CTIF: variants seen among roughly 807,000 people sequenced by gnomAD.
The protein encoded by CTIF is cap binding complex dependent translation initiation factor.
A neutral mutation model predicts 66.0 loss-of-function variants in CTIF; 21 were observed. The ratio of observed to expected loss-of-function variants is 0.32; its 90% CI spans 0.23 to 0.46. CTIF has a LOEUF of 0.46. Ranked by LOEUF, CTIF falls within the 20% of genes least tolerant of loss-of-function variation. CTIF has a pLI of 1.00. For synonymous variants in CTIF, 345 were observed against 326.4 expected (o/e 1.06, Z -0.62); for missense variants, 739 against 812.7 (o/e 0.91, Z 1.10).
At chr18:48,798,802 C>T (rs2067986738) in intron 9 of CTIF, among the ~76,000 whole-genome samples, 1 of 152,214 alleles carries the variant, frequency 6.6e-6, no homozygotes. Context: ...CCAGCAGACA[C>T]TTGGCAACGT....
chr18:48,569,289 C>T (rs898836452), intron 1 of CTIF, among the ~76,000 whole-genome samples: 7 of 151,940 alleles, frequency 4.6e-5, no homozygotes, highest in Admixed American at 1.3e-4. Flanking sequence ...AGCAGAAAAA[C>T]GCACTGCTGG....
chr18:48,578,189 G>T (rs2089577740), intron 1 of CTIF, among the ~76,000 whole-genome samples: 1 of 152,058 alleles, frequency 6.6e-6, no homozygotes, highest in African/African-American at 2.4e-5. Context: ...TGTTCCATTA[G>T]GTGGTTACTC....
At chr18:48,836,883 C>T (rs2068822786) in intron 10 of CTIF, among the ~76,000 whole-genome samples, 1 of 152,244 alleles carries the variant, frequency 6.6e-6, no homozygotes, top group Non-Finnish European at 1.5e-5. Context: ...CATCAGCCTG[C>T]TGAGAGGGCG....
chr18:48,670,086 T>C (rs2091504379), intron 5 of CTIF, among the ~76,000 whole-genome samples: 1 of 151,788 alleles, frequency 6.6e-6, no homozygotes, highest in Non-Finnish European at 1.5e-5. Flanking sequence ...CCTGGGAGTC[T>C]GGTTTCGGAA....
At chr18:48,759,103 C>T (rs766602891) in intron 8 of CTIF, among the ~76,000 whole-genome samples, 9 of 152,158 alleles carry the variant, frequency 5.9e-5, no homozygotes, top group Non-Finnish European at 1.3e-4. Flanking sequence ...CAGGAGATGA[C>T]CCTAAACCTC....
intron 1 of CTIF, among the ~76,000 whole-genome samples, chr18:48,545,069 TAATG>T (rs1257093439): frequency 1.3e-5 from 2 of 152,100 alleles, no homozygotes; most frequent in Admixed American, 1.3e-4. Flanking sequence ...AGCTGAATCT[TAATG>T]GATGAAAAGG....
chr18:48,840,095 G>A (rs2068903895), intron 10 of CTIF, among the ~76,000 whole-genome samples: 1 of 152,204 alleles, frequency 6.6e-6, no homozygotes, highest in South Asian at 2.1e-4. Context: ...GAAGATCAGG[G>A]AAGGCTTCCT....
At chr18:48,851,363 G>A (rs1300491304) in intron 10 of CTIF, among the ~76,000 whole-genome samples, 1 of 152,200 alleles carries the variant, frequency 6.6e-6, no homozygotes, top group East Asian at 1.9e-4. Flanking sequence ...GCAGGCTGTG[G>A]GCTGCAGAAG....
chr18:48,727,648 G>C (rs1451253267), intron 7 of CTIF, among the ~76,000 whole-genome samples: 1 of 152,182 alleles, frequency 6.6e-6, no homozygotes, highest in East Asian at 1.9e-4. Flanking sequence ...TCTCCGCTGG[G>C]CTTCTGCTGA....
Position 48,656,140 on chromosome 18 carries a change from C to A in CTIF, c.253-7612C>A, listed in dbSNP as rs1216944396. Among the ~76,000 whole-genome samples the A allele has an allele frequency of 2.0e-5, 3 of 152,212 alleles. No homozygotes were observed. In the East Asian group the frequency reaches 5.8e-4, roughly 29 times the overall value. ...CACTTCCTCCACCAGCACTGCCTTC[C>A]CAATCATTAACAAAGATAGGTGTGG... On this transcript the variant is annotated intron_variant, in intron 3 of 11. Coordinates refer to ENST00000256413, the MANE Select transcript of CTIF (RefSeq NM_014772.3).
At chr18:48,573,790 G>T (rs991563226) in intron 1 of CTIF, among the ~76,000 whole-genome samples, 1 of 152,224 alleles carries the variant, frequency 6.6e-6, no homozygotes, top group African/African-American at 2.4e-5. Context: ...GCCATTCGCA[G>T]TGTGCCATCA....
At chr18:48,832,501 G>A (rs1016696423) in intron 10 of CTIF, among the ~76,000 whole-genome samples, 1 of 152,312 alleles carries the variant, frequency 6.6e-6, no homozygotes, top group African/African-American at 2.4e-5. Flanking sequence ...TGTGGCAGGG[G>A]TGGCCAGTTG....
intron 6 of CTIF, among the ~76,000 whole-genome samples, chr18:48,690,041 T>A (rs776930771): frequency 6.6e-6 from 1 of 152,194 alleles, no homozygotes; most frequent in Non-Finnish European, 1.5e-5. Context: ...ATCTTGAAAT[T>A]GATCATGCCC....
At chr18:48,741,217 A>G (rs1164524427) in intron 7 of CTIF, among the ~76,000 whole-genome samples, 1 of 151,494 alleles carries the variant, frequency 6.6e-6, no homozygotes, top group Non-Finnish European at 1.5e-5. Flanking sequence ...GCTAACAGCC[A>G]CAGGTTGGAG....
rs527347389 is a variant in CTIF at position 48,758,524 on chromosome 18, A to T, written c.1071+119A>T. The T allele has an allele frequency of 2.0e-5, 26 of 1,298,220 alleles. No individual in the cohort carries two copies. The African/African-American group carries it at 3.7e-4, about 18-fold the overall frequency. 80.4% of individuals were successfully genotyped at this position (1,298,220 alleles called of 1,614,324 possible). The stretch of plus-strand genomic sequence containing the variant: ...GGTTTGAGGGTCTAGGGAGCCATGT[A>T]CAGGGAAGCAGGGGCTTCGGTCACT... On this transcript the variant is annotated intron_variant, in intron 8 of 11. Coordinates refer to ENST00000256413, the MANE Select transcript of CTIF (RefSeq NM_014772.3).
At chr18:48,816,698 C>T (rs539691724) in intron 9 of CTIF, among the ~76,000 whole-genome samples, 1 of 152,362 alleles carries the variant, frequency 6.6e-6, no homozygotes, top group Non-Finnish European at 1.5e-5. Flanking sequence ...CTAGGCCCCT[C>T]GAGGGACGGG....
At chr18:48,723,336 GATGA>G (rs150039010) in intron 7 of CTIF, among the ~76,000 whole-genome samples, 68 of 151,828 alleles carry the variant, frequency 4.5e-4, no homozygotes, top group South Asian at 2.3e-3. Flanking sequence ...CATTCAAAGG[GATGA>G]ATGAATGAAT....
intron 6 of CTIF, among the ~76,000 whole-genome samples, chr18:48,700,864 A>G (rs1568148232): frequency 6.6e-6 from 1 of 152,176 alleles, no homozygotes; most frequent in East Asian, 1.9e-4. Context: ...TGCACACAGC[A>G]TGCTCACAGG....
intron 1 of CTIF, among the ~76,000 whole-genome samples, chr18:48,542,876 T>C (rs1038307851): frequency 6.6e-6 from 1 of 152,296 alleles, no homozygotes; most frequent in Non-Finnish European, 1.5e-5. Flanking sequence ...AGGCAGCTGA[T>C]GGAAATTACC....
Sources: gnomAD v4.1 joint callset for allele counts (sites outside exome capture counted in the v4.1 genomes callset) on GRCh38, gnomAD v4.1.1 for gene constraint, MANE v1.5 for transcripts, NCBI Gene and HGNC (gene_info 2026-07-23, HGNC 2026-07-21) for gene names.